COL4A1: variants seen among roughly 807,000 people sequenced by gnomAD.
COL4A1 encodes the protein collagen type IV alpha 1 chain, also known as collagen alpha-1(IV) chain.
COL4A1 carries 40 observed loss-of-function variants against 216.6 expected under a neutral mutation model. The ratio of observed to expected loss-of-function variants is 0.18; its 90% CI spans 0.14 to 0.24. The LOEUF is 0.24. Ranked by LOEUF, COL4A1 falls within the 10% of genes least tolerant of loss-of-function variation. The pLI, the probability that COL4A1 is intolerant of heterozygous loss-of-function variation, is 1.00. For synonymous variants in COL4A1, 839 were observed against 810.7 expected (o/e 1.03, Z -0.59); for missense variants, 1,628 against 2,196.8 (o/e 0.74, Z 5.18).
chr13:110,161,291 G>A lies in COL4A1; in HGVS notation c.4541C>T (p.Ala1514Val). ...FCNINNVCNFASRNDYSYWLS... is the reference protein window; with the variant it reads ...FCNINNVCNFVSRNDYSYWLS... ...CCAGTACGAGTAGTCATTTCGTGAT[G>A]CAAAGTTGCACACGTTGTTAATATT... The change falls in exon 49 of 52, where the codon GCA (alanine) becomes GTA (valine). Residue 1514 changes from alanine to valine, a missense_variant. This residue lies in a region of COL4A1 where 254 missense variants were observed against 300.1 expected (regional missense o/e 0.85). Coordinates refer to ENST00000375820, the MANE Select transcript of COL4A1 (RefSeq NM_001845.6). The A allele has an allele frequency of 6.2e-7, 1 of 1,614,204 alleles. No homozygotes were observed. The highest frequency in any genetic ancestry group is 2.2e-5 in the East Asian group (1 of 44,882).
chr13:110,199,592 C>T (rs1566368278), intron 20 of COL4A1, among the ~76,000 whole-genome samples: 2 of 152,154 alleles, frequency 1.3e-5, no homozygotes, highest in Non-Finnish European at 2.9e-5. Flanking sequence ...GGGCACGAGG[C>T]CAACCAGACC....
At chr13:110,215,574 A>AAAAC (rs1555307436) in intron 2 of COL4A1, among the ~76,000 whole-genome samples, 4 of 125,304 alleles carry the variant, frequency 3.2e-5, no homozygotes, top group African/African-American at 1.3e-4. Flanking sequence ...AAAAAAAAAA[A>AAAAC]AACAACAACC....
chr13:110,152,291 C>A, intron 51 of COL4A1, 43 bp downstream of exon 51: 1 of 1,612,122 alleles, frequency 6.2e-7, no homozygotes, highest in Non-Finnish European at 8.5e-7. Flanking sequence ...AATAAAGTCA[C>A]AAAGGGGCCA....
At chr13:110,184,487 TCATAAA>T (rs1029195600) in intron 26 of COL4A1, among the ~76,000 whole-genome samples, 51 of 152,020 alleles carry the variant, frequency 3.4e-4, no homozygotes, top group African/African-American at 1.2e-3. Context: ...TCTAATGGAG[TCATAAA>T]AGAGACATTT....
chr13:110,235,326 A>G (rs1011952689), intron 2 of COL4A1, among the ~76,000 whole-genome samples: 1 of 152,176 alleles, frequency 6.6e-6, no homozygotes, highest in Non-Finnish European at 1.5e-5. Flanking sequence ...TATAGGAAAA[A>G]TTTTTTAATA....
At chr13:110,293,932 T>G (rs1445522306) in intron 1 of COL4A1, among the ~76,000 whole-genome samples, 1 of 152,230 alleles carries the variant, frequency 6.6e-6, no homozygotes, top group Non-Finnish European at 1.5e-5. Context: ...AGTTTTCATG[T>G]TTCTGATTCA....
intron 1 of COL4A1, among the ~76,000 whole-genome samples, chr13:110,304,671 A>G (rs72655741): frequency 0.03 from 4,496 of 152,306 alleles, 74 homozygotes; most frequent in Middle Eastern, 0.075. Flanking sequence ...GATAAAATCA[A>G]TGGTTTAGAA....
chr13:110,250,588 T>C (rs542844105), intron 1 of COL4A1, among the ~76,000 whole-genome samples: 8 of 152,304 alleles, frequency 5.3e-5, no homozygotes, highest in Admixed American at 3.9e-4. Context: ...GCACTTCACC[T>C]CCAGGTCATT....
intron 50 of COL4A1, 47 bp from the exon 51 acceptor site, chr13:110,152,553 A>C: frequency 3.2e-6 from 5 of 1,577,432 alleles, no homozygotes; most frequent in Non-Finnish European, 4.3e-6. Context: ...CTCCCCAAAC[A>C]CCAGGAAAGA....
chr13:110,227,181 T>G (rs1479435318), intron 2 of COL4A1, among the ~76,000 whole-genome samples: 1 of 152,286 alleles, frequency 6.6e-6, no homozygotes, highest in African/African-American at 2.4e-5. Flanking sequence ...CTACTTAATG[T>G]CAATAGACTA....
At chr13:110,217,379 G>A (rs1880139493) in intron 2 of COL4A1, among the ~76,000 whole-genome samples, 1 of 152,194 alleles carries the variant, frequency 6.6e-6, no homozygotes, top group South Asian at 2.1e-4. Context: ...CGTGACCACA[G>A]TGACCCCCCA....
At chr13:110,283,210 T>C (rs1387510392) in intron 1 of COL4A1, among the ~76,000 whole-genome samples, 1 of 152,338 alleles carries the variant, frequency 6.6e-6, no homozygotes, top group Non-Finnish European at 1.5e-5. Flanking sequence ...TAATATAATA[T>C]GTTCAGAAAA....
intron 33 of COL4A1, 114 bp from the exon 34 acceptor site, chr13:110,177,151 C>A: frequency 1.3e-6 from 2 of 1,534,426 alleles, no homozygotes; most frequent in South Asian, 1.2e-5. Context: ...ACAAAGCACT[C>A]ATAACTTGTC....
rs200786329 is a variant in COL4A1, at chr13:110,201,467, G to A, written c.1055C>T (p.Pro352Leu). The change falls in exon 19 of 52, where the codon CCG becomes CTG. Residue 352 changes from proline to leucine, a missense_variant. By Grantham distance (98) the Pro-to-Leu change is moderately conservative. Transcript: ENST00000375820. ...TGGGCCTGGCTCTCCTCTTGGCCCC[G>A]GAGTTCCAGGGTAGCCCCTCTCTCC... ...EKGERGYPGT[P>L]GPRGEPGPKG... The A allele has an allele frequency of 4.1e-5, 66 of 1,614,104 alleles. No individual in the cohort carries two copies. In the Admixed American group the frequency reaches 5.8e-4, roughly 14 times the overall value.
chr13:110,247,835 G>GTGTGTGT (rs765744265), intron 1 of COL4A1, among the ~76,000 whole-genome samples: 155 of 96,502 alleles, frequency 1.6e-3, no homozygotes, highest in Middle Eastern at 6.1e-3. Flanking sequence ...GTGTGTGTGT[G>GTGTGTGT]GCAGAGAGAG....
intron 49 of COL4A1, among the ~76,000 whole-genome samples, chr13:110,155,847 G>C (rs1028514901): frequency 6.6e-6 from 1 of 152,182 alleles, no homozygotes; most frequent in Non-Finnish European, 1.5e-5. Flanking sequence ...GGGAGGCGGA[G>C]GTTGCAGTGA....
intron 1 of COL4A1, among the ~76,000 whole-genome samples, chr13:110,289,206 T>C (rs2139309370): frequency 6.6e-6 from 1 of 152,160 alleles, no homozygotes; most frequent in East Asian, 1.9e-4. Flanking sequence ...GGGATTTTGA[T>C]CTCAAAGAAC....
intron 1 of COL4A1, among the ~76,000 whole-genome samples, chr13:110,290,369 C>G (rs1286584684): frequency 6.6e-6 from 1 of 152,228 alleles, no homozygotes; most frequent in Non-Finnish European, 1.5e-5. Flanking sequence ...TGTCCTTGCA[C>G]TGTTTAAATT....
Position 110,150,491 on chromosome 13 carries a change from C to T in COL4A1, c.4929-47G>A, listed in dbSNP as rs370713090. On this transcript the variant is annotated intron_variant, in intron 51 of 51. Transcript: ENST00000375820. Reference sequence around the variant, plus strand: ...GACCATTGGCCATCATCTCACAGCACGTCAGAAACATGGCACTCCTGCCCT... The same window carrying T: ...GACCATTGGCCATCATCTCACAGCATGTCAGAAACATGGCACTCCTGCCCT... 8.7e-5 allele frequency: 137 copies of T among 1,579,266 alleles called. No homozygotes were observed. In the African/African-American group the frequency reaches 1.5e-3, roughly 18 times the overall value.
Sources: allele counts gnomAD v4.1 joint callset (sites outside exome capture counted in the v4.1 genomes callset), GRCh38; gene constraint gnomAD v4.1.1; regional missense constraint gnomAD v4.1.1; transcripts MANE v1.5; gene names NCBI Gene and HGNC (gene_info 2026-07-23, HGNC 2026-07-21).